Variants in CELF4 observed in about 807,000 individuals in gnomAD.
CELF4 encodes the protein CUG-BP- and ETR-3-like factor 4.
In CELF4, 18 loss-of-function variants were observed where a neutral mutation model predicts 59.9. The observed-to-expected ratio is 0.30, with a 90% CI of 0.21 to 0.45. CELF4 has a LOEUF of 0.45. Among genes scored for constraint, CELF4 ranks in the 20% least tolerant of loss-of-function variants. CELF4 has a pLI of 1.00. For synonymous variants in CELF4, 261 were observed against 267.1 expected (o/e 0.98, Z 0.22); for missense variants, 456 against 689.0 (o/e 0.66, Z 3.79).
chr18:37,491,734 G>C (rs530011338), intron 1 of CELF4, among the ~76,000 whole-genome samples: 45 of 152,318 alleles, frequency 3.0e-4, no homozygotes, highest in South Asian at 2.7e-3. Context: ...TGTCGGGCTA[G>C]GGTGCACGCA....
chr18:37,523,499 C>A (rs1292356918), intron 1 of CELF4, among the ~76,000 whole-genome samples: 1 of 152,052 alleles, frequency 6.6e-6, no homozygotes, highest in Admixed American at 6.5e-5. Context: ...AGTTTGGTGA[C>A]CCCGGCTGGG....
intron 2 of CELF4, among the ~76,000 whole-genome samples, chr18:37,386,255 G>A (rs1358122847): frequency 6.6e-6 from 1 of 152,194 alleles, no homozygotes; most frequent in Non-Finnish European, 1.5e-5. Context: ...AATAAACAGT[G>A]TTCTGGAAGC....
intron 12 of CELF4, among the ~76,000 whole-genome samples, chr18:37,252,097 C>A (rs2065869369): frequency 6.6e-6 from 1 of 152,130 alleles, no homozygotes; most frequent in South Asian, 2.1e-4. Flanking sequence ...CTGCTGGTAT[C>A]TGTACCCCAG....
intron 2 of CELF4, among the ~76,000 whole-genome samples, chr18:37,346,501 G>C (rs1417814862): frequency 6.6e-6 from 1 of 152,196 alleles, no homozygotes; most frequent in Non-Finnish European, 1.5e-5. Flanking sequence ...GTACATACCA[G>C]ATATGGATGG....
At chr18:37,265,979 T>C (rs1320583198) in intron 9 of CELF4, among the ~76,000 whole-genome samples, 1 of 152,158 alleles carries the variant, frequency 6.6e-6, no homozygotes, top group African/African-American at 2.4e-5. Flanking sequence ...CCAGGCCCTC[T>C]GCTCACTCAG....
At chr18:37,362,037 G>A (rs1413389486) in intron 2 of CELF4, among the ~76,000 whole-genome samples, 1 of 152,128 alleles carries the variant, frequency 6.6e-6, no homozygotes, top group Non-Finnish European at 1.5e-5. Context: ...TGGGTCCTGG[G>A]GTCCGGCCCG....
At chr18:37,500,142 G>T (rs2099929877) in intron 1 of CELF4, among the ~76,000 whole-genome samples, 1 of 152,212 alleles carries the variant, frequency 6.6e-6, no homozygotes. Context: ...GCACCAAATG[G>T]AAGGGAATCG....
chr18:37,301,349 C>T (rs1466357082), intron 3 of CELF4, among the ~76,000 whole-genome samples: 2 of 152,184 alleles, frequency 1.3e-5, no homozygotes, highest in African/African-American at 2.4e-5. Context: ...CTCCGCCAGA[C>T]TGGACACTAA....
chr18:37,379,284 C>G (rs920301027), intron 2 of CELF4, among the ~76,000 whole-genome samples: 1 of 152,006 alleles, frequency 6.6e-6, no homozygotes. Context: ...TTGGCCCTGG[C>G]GTGGGTATGC....
At chr18:37,318,274 G>T (rs1402806455) in intron 3 of CELF4, among the ~76,000 whole-genome samples, 3 of 150,568 alleles carry the variant, frequency 2.0e-5, no homozygotes, top group Non-Finnish European at 4.4e-5. Flanking sequence ...TCAAGGCCTC[G>T]CTCCCCCTCC....
chr18:37,314,692 G>A (rs1439758065), intron 3 of CELF4, among the ~76,000 whole-genome samples: 2 of 152,134 alleles, frequency 1.3e-5, no homozygotes, highest in Non-Finnish European at 2.9e-5. Context: ...GCCCCAGGCT[G>A]CTCCCCTTTC....
chr18:37,356,467 A>G (rs1304135931), intron 2 of CELF4, among the ~76,000 whole-genome samples: 1 of 151,872 alleles, frequency 6.6e-6, no homozygotes, highest in Non-Finnish European at 1.5e-5. Flanking sequence ...GGGAAGGTCA[A>G]AGGTGCTGGG....
intron 2 of CELF4, among the ~76,000 whole-genome samples, chr18:37,335,234 C>T (rs2097724252): frequency 6.6e-6 from 1 of 152,068 alleles, no homozygotes; most frequent in Non-Finnish European, 1.5e-5. Context: ...CGATCACGGC[C>T]CTCCTCCTGA....
chr18:37,425,906 C>T (rs764425212), intron 2 of CELF4, among the ~76,000 whole-genome samples: 1 of 152,230 alleles, frequency 6.6e-6, no homozygotes, highest in African/African-American at 2.4e-5. Flanking sequence ...GGGGTAGCAC[C>T]TCCATTCCCC....
chr18:37,526,857 C>A (rs1055415499), intron 1 of CELF4, among the ~76,000 whole-genome samples: 2 of 128,466 alleles, frequency 1.6e-5, no homozygotes, highest in East Asian at 2.4e-4. Flanking sequence ...TTGGGTAAGT[C>A]ACGTAACCTG....
intron 2 of CELF4, among the ~76,000 whole-genome samples, chr18:37,422,469 T>C (rs1482663604): frequency 6.6e-6 from 1 of 152,014 alleles, no homozygotes; most frequent in Non-Finnish European, 1.5e-5. Flanking sequence ...AATGCAACAC[T>C]CAAAAAGCAA....
At chr18:37,270,097 A>G (rs1185100990) in intron 8 of CELF4, among the ~76,000 whole-genome samples, 2 of 152,344 alleles carry the variant, frequency 1.3e-5, no homozygotes, top group African/African-American at 2.4e-5. Flanking sequence ...CTTCAGGCCA[A>G]CTGGACACTC....
chr18:37,269,877 T>C lies in CELF4; in HGVS notation c.1099+891A>G, dbSNP rs887777652. Among the ~76,000 whole-genome samples the C allele has an allele frequency of 3.3e-5, 5 of 152,240 alleles. No individual in the cohort carries two copies. In the South Asian group the frequency reaches 6.2e-4, roughly 19 times the overall value. On this transcript the variant is annotated intron_variant, in intron 8 of 12. Transcript: ENST00000420428. ...TCTGACCTCCCAGGCGATAGGTCCA[T>C]GTCCTGCTCTACTTCTTGGGCCCCC... is the stretch of plus-strand genomic sequence containing the variant.
chr18:37,488,561 A>T (rs1448689605), intron 1 of CELF4, among the ~76,000 whole-genome samples: 1 of 152,104 alleles, frequency 6.6e-6, no homozygotes, highest in East Asian at 1.9e-4. Context: ...AGGTTGCCTG[A>T]GAGTTGATAA....
Sources: allele counts gnomAD v4.1 joint callset (sites outside exome capture counted in the v4.1 genomes callset), GRCh38; gene constraint gnomAD v4.1.1; transcripts MANE v1.5; gene names NCBI Gene and HGNC (gene_info 2026-07-23, HGNC 2026-07-21).